Variants in PIWIL4 observed in about 807,000 individuals in gnomAD.
PIWIL4 encodes piwi-like protein 4.
PIWIL4 carries 50 observed loss-of-function variants against 100.9 expected under a neutral mutation model. The ratio of observed to expected loss-of-function variants is 0.50; its 90% CI spans 0.39 to 0.63. The LOEUF (loss-of-function observed/expected upper bound fraction) is 0.63. Ranked by LOEUF, PIWIL4 falls within the 20% of genes least tolerant of loss-of-function variation. The pLI is 0.00. For missense variants in PIWIL4, 887 were observed against 1,043.3 expected, an observed-to-expected ratio of 0.85 and a Z score of 2.06; for synonymous variants, 342 against 367.5, an observed-to-expected ratio of 0.93 and a Z score of 0.79.
chr11:94,583,502 A>C lies in PIWIL4; in HGVS notation c.568A>C (p.Thr190Pro), dbSNP rs1429154412. 6.2e-7 allele frequency: 1 copy of C among 1,613,922 alleles called. No homozygotes were observed. The highest frequency in any genetic ancestry group is 8.5e-7 in the Non-Finnish European group (1 of 1,179,800). ...AGGTGAGACTATAAAGATGACTATC[A>C]CCCTGAAGAGGGAGCTGCCATCAAG... The part of the protein sequence containing the change: ...QRGETIKMTI[T>P]LKRELPSSSP... Residue 190 changes from threonine to proline, a missense_variant, in exon 5 of 20, where the codon ACC becomes CCC. Thr to Pro is a conservative substitution (Grantham distance 38). Coordinates refer to ENST00000299001, the MANE Select transcript of PIWIL4 (RefSeq NM_152431.3).
intron 11 of PIWIL4, among the ~76,000 whole-genome samples, chr11:94,599,841 T>C (rs1348075462): frequency 1.3e-5 from 2 of 152,176 alleles, no homozygotes; most frequent in African/African-American, 4.8e-5. Flanking sequence ...ATTGGGATGT[T>C]TCTTAAATAT....
rs558100608 is a variant in PIWIL4 at position 94,617,786 on chromosome 11, A to G, written c.2015-168A>G. 1.1e-4 allele frequency: 70 copies of G among 640,480 alleles called. 1 individual carries two copies. In the African/African-American group the frequency reaches 1.2e-3, roughly 11 times the overall value. 39.7% of individuals were successfully genotyped at this position (640,480 alleles called of 1,614,324 possible). A position where few individuals can be genotyped will look rare whatever the true frequency, so the allele number is the denominator to read the frequency against. ...TAGCAGAGACAGAGGAATGCTCCCT[A>G]AAGTTATCCATTGTTATATTCTTGC... is the stretch of plus-strand genomic sequence containing the variant. On this transcript the variant is annotated intron_variant, in intron 16 of 19. Coordinates refer to ENST00000299001, the MANE Select transcript of PIWIL4 (RefSeq NM_152431.3).
chr11:94,591,760 TC>T (rs1320477152), intron 8 of PIWIL4, among the ~76,000 whole-genome samples: 1 of 152,142 alleles, frequency 6.6e-6, no homozygotes, highest in Non-Finnish European at 1.5e-5. Flanking sequence ...TAGTATGCCC[TC>T]CTCCCTGTCC....
At chr11:94,567,921 C>A in intron 1 of PIWIL4, 1 of 652,200 alleles carries the variant, frequency 1.5e-6, no homozygotes, top group Non-Finnish European at 1.9e-6. Flanking sequence ...AAGTGATGTG[C>A]TTTCATAACA....
At chr11:94,603,812 A>G (rs11020855) in intron 12 of PIWIL4, among the ~76,000 whole-genome samples, 172 bp from the exon 13 acceptor site, 6,341 of 152,288 alleles carry the variant, frequency 0.042, 167 homozygotes, top group Middle Eastern at 0.092. Context: ...TGTTTTTGTC[A>G]TATTTTGTAG....
chr11:94,578,278 G>C (rs1174542806), intron 4 of PIWIL4, among the ~76,000 whole-genome samples: 1 of 152,070 alleles, frequency 6.6e-6, no homozygotes, highest in East Asian at 1.9e-4. Flanking sequence ...AATTTTTATT[G>C]ACGGCTCTGC....
In PIWIL4 at chr11:94,573,196, G is replaced by A. The variant is rs199987087; in HGVS notation, c.167-1803G>A. The stretch of plus-strand genomic sequence containing the variant: ...GCTTAAGGACATTTTGGGCTGAGAC[G>A]ATGGGGTGTTCTAGATATACAGTCA... On this transcript the variant is annotated intron_variant, in intron 2 of 19. Transcript: ENST00000299001. Among the ~76,000 whole-genome samples, 26 of 152,304 alleles carry A rather than the reference G, an allele frequency of 1.7e-4. No individual in the cohort carries two copies. The East Asian group carries it at 4.4e-3, about 26-fold the overall frequency.
chr11:94,620,208 T>C, intron 19 of PIWIL4, 64 bp downstream of exon 19: 1 of 1,472,320 alleles, frequency 6.8e-7, no homozygotes, highest in East Asian at 2.3e-5. Flanking sequence ...GGAATTATCA[T>C]ACACGTCATC....
chr11:94,589,187 G>A lies in PIWIL4; in HGVS notation c.981G>A (p.Gln327=), dbSNP rs11020846. Residue 327 remains glutamine (Q), a synonymous_variant, in exon 8 of 20, where the codon CAG becomes CAA. Coordinates refer to ENST00000299001, the MANE Select transcript of PIWIL4 (RefSeq NM_152431.3). ...CAGTGAAGCCCACACACACCTTTCA[G>A]AAGCGGGATGGCACCGAGATCACCT... ...DWSVKPTHTF[Q]KRDGTEITYV... The A allele has an allele frequency of 0.26, 411,284 of 1,610,110 alleles. 55,119 individuals carry two copies. The highest frequency in any genetic ancestry group is 0.28 in the Non-Finnish European group (325,014 of 1,176,860).
At chr11:94,574,691 A>C (rs1288014815) in intron 2 of PIWIL4, among the ~76,000 whole-genome samples, 2 of 152,106 alleles carry the variant, frequency 1.3e-5, no homozygotes, top group Non-Finnish European at 2.9e-5. Context: ...CACGTTGCCC[A>C]GGCTGGTCTC....
intron 13 of PIWIL4, 24 bp downstream of exon 13, chr11:94,604,080 C>T: frequency 6.9e-7 from 1 of 1,446,294 alleles, no homozygotes; most frequent in Non-Finnish European, 9.5e-7. Context: ...ACTTTTTGAA[C>T]TCCTTTAATC....
chr11:94,569,974 GA>G lies in PIWIL4; in HGVS notation c.166+1176del, dbSNP rs571783540. ...ATGTATACGCATTTTTAAAAAAGCA[GA>G]AAAAAAAAATCTGAACGGCATATAA... On this transcript the variant is annotated intron_variant, in intron 2 of 19. Coordinates refer to ENST00000299001, the MANE Select transcript of PIWIL4 (RefSeq NM_152431.3). Among the ~76,000 whole-genome samples, 175 of 149,734 alleles carry G rather than the reference GA, an allele frequency of 1.2e-3. 1 individual carries two copies. Among genetic ancestry groups the G allele is most frequent in the Non-Finnish European group, 2.0e-3 (137 of 67,278 alleles).
Position 94,585,486 on chromosome 11 carries a change from TC to T in PIWIL4, c.678del (p.Tyr227IlefsTer37). 6.2e-7 allele frequency: 1 copy of T among 1,610,480 alleles called. No homozygotes were observed. The highest frequency in any genetic ancestry group is 8.5e-7 in the Non-Finnish European group (1 of 1,178,932). ...TCCATGTACCAAATTGGACGGAACT[TC>T]TATAATCCTTCAGAGCCAATGGAAA... ...KLSMYQIGRN[F>X]YNPSEPMEIP... On this transcript the variant is annotated frameshift_variant, in exon 6 of 20. Transcript: ENST00000299001. LOFTEE classifies it high-confidence loss of function.
chr11:94,570,689 G>A (rs34900271), intron 2 of PIWIL4, among the ~76,000 whole-genome samples: 1,876 of 152,160 alleles, frequency 0.012, 17 homozygotes, highest in Middle Eastern at 0.051. Flanking sequence ...TCAGGAGTTC[G>A]AGACCAGCCT....
chr11:94,591,779 GAA>G (rs948660999), intron 8 of PIWIL4, among the ~76,000 whole-genome samples: 30 of 152,290 alleles, frequency 2.0e-4, no homozygotes, highest in African/African-American at 6.7e-4. Flanking sequence ...TCCCAGGAAA[GAA>G]AGACTGATTA....
In PIWIL4 at chr11:94,597,855, C is replaced by T. The variant is rs2135276849; in HGVS notation, c.1320C>T (p.Ser440=). 6.2e-7 allele frequency: 1 copy of T among 1,613,992 alleles called. No individual in the cohort carries two copies. Among genetic ancestry groups the T allele is most frequent in the Non-Finnish European group, 8.5e-7 (1 of 1,179,898 alleles). The change falls in exon 11 of 20, where the codon AGC becomes AGT. Residue 440 remains serine (S), a synonymous_variant. Coordinates refer to ENST00000299001, the MANE Select transcript of PIWIL4 (RefSeq NM_152431.3). ...AGACCTGGGGACTGCATTTTGGAAG[C>T]CAGATATCTCTGACTGGCCGGATTG... is the stretch of plus-strand genomic sequence containing the variant. The part of the protein sequence containing the change: ...ELETWGLHFG[S]QISLTGRIVP...
Position 94,585,426 on chromosome 11 carries a change from CA to C in PIWIL4, c.636-12del, listed in dbSNP as rs1335502916. 6.3e-6 allele frequency: 10 copies of C among 1,585,796 alleles called. No individual in the cohort carries two copies. The highest frequency in any genetic ancestry group is 1.4e-5 in the African/African-American group (1 of 73,518). ...TACTGACTGATATTTACCAAAAATT[CA>C]AAAAAATATACTTGCAGGATCCTCA... On this transcript the variant is annotated intron_variant, in intron 5 of 19. Transcript: ENST00000299001.
intron 4 of PIWIL4, among the ~76,000 whole-genome samples, chr11:94,577,775 G>A (rs958803262): frequency 2.0e-5 from 3 of 151,930 alleles, no homozygotes; most frequent in Admixed American, 6.6e-5. Flanking sequence ...GCTTATTAAC[G>A]AAAGAAAAAT....
chr11:94,598,169 A>C (rs2135277345), intron 11 of PIWIL4, among the ~76,000 whole-genome samples: 1 of 152,306 alleles, frequency 6.6e-6, no homozygotes, highest in South Asian at 2.1e-4. Flanking sequence ...ATTAAAACAT[A>C]CCTATCTTCT....
Sources: gnomAD v4.1 joint callset for allele counts (sites outside exome capture counted in the v4.1 genomes callset) on GRCh38, gnomAD v4.1.1 for gene constraint, MANE v1.5 for transcripts, NCBI Gene and HGNC (gene_info 2026-07-23, HGNC 2026-07-21) for gene names.